The following PACS2 variants were observed in gnomAD, a reference collection of about 807,000 sequenced individuals.
PACS2 encodes the protein PACS1-like protein.
PACS2 carries 36 observed loss-of-function variants against 113.0 expected under a neutral mutation model. The observed-to-expected ratio is 0.32, with a 90% CI of 0.24 to 0.42. The LOEUF is 0.42. Ranked by LOEUF, PACS2 falls within the 10% of genes least tolerant of loss-of-function variation. PACS2 has a pLI of 1.00. For missense variants in PACS2, 1,015 were observed against 1,239.5 expected, an observed-to-expected ratio of 0.82 and a Z score of 2.72; for synonymous variants, 589 against 536.1, an observed-to-expected ratio of 1.10 and a Z score of -1.36.
chr14:105,374,072 T>C (rs2061255901), intron 8 of PACS2, among the ~76,000 whole-genome samples: 1 of 151,622 alleles, frequency 6.6e-6, no homozygotes, highest in South Asian at 2.1e-4. Flanking sequence ...GAAGAAACAC[T>C]TGAACCTGGG....
chr14:105,319,968 A>G (rs138777744), intron 1 of PACS2, among the ~76,000 whole-genome samples: 10 of 152,282 alleles, frequency 6.6e-5, no homozygotes, highest in African/African-American at 2.2e-4. Context: ...AATTACATAA[A>G]TTGATTTTAT....
rs782500261 is a variant in PACS2 at position 105,383,412 on chromosome 14, C to T, written c.1679C>T (p.Ala560Val). The T allele has an allele frequency of 3.1e-6, 5 of 1,608,534 alleles. No homozygotes were observed. The highest frequency in any genetic ancestry group is 1.1e-5 in the South Asian group (1 of 91,044). Residue 560 changes from alanine to valine, a missense_variant, in exon 16 of 25, where the codon GCG becomes GTG. Coordinates refer to ENST00000447393, the MANE Select transcript of PACS2 (RefSeq NM_001100913.3). Reference protein sequence around the residue: ...PTPVKIAVAGAQHYLSAILRL... With the variant: ...PTPVKIAVAGVQHYLSAILRL... ...CCCGTGAAGATCGCCGTGGCGGGAG[C>T]GCAGCATTACCTCAGTGCCATCCTG... is the stretch of plus-strand genomic sequence containing the variant.
intron 24 of PACS2, among the ~76,000 whole-genome samples, chr14:105,393,986 C>A (rs1331566984): frequency 6.9e-6 from 1 of 144,734 alleles, no homozygotes; most frequent in Non-Finnish European, 1.5e-5. Flanking sequence ...TGCAGTGAGC[C>A]GAGATTGCGC....
At chr14:105,392,126 G>A (rs587728500) in intron 22 of PACS2, 2 of 353,818 alleles carry the variant, frequency 5.7e-6, no homozygotes, top group South Asian at 3.8e-5. Context: ...TTCGATAGCT[G>A]TGCTGAGGCC....
intron 13 of PACS2, 79 bp from the exon 14 acceptor site, chr14:105,382,398 C>T: frequency 1.2e-6 from 1 of 866,462 alleles, no homozygotes; most frequent in Non-Finnish European, 2.0e-6. Flanking sequence ...AGCAGGGGCA[C>T]TGCAGGCACC....
At chr14:105,389,816 A>G in intron 19 of PACS2, 145 bp from the exon 20 acceptor site, 2 of 749,178 alleles carry the variant, frequency 2.7e-6, no homozygotes, top group Non-Finnish European at 4.8e-6. Context: ...GGGCCGGGAC[A>G]CACAGGGCAG....
At chr14:105,333,877 G>A (rs1276211108) in intron 1 of PACS2, among the ~76,000 whole-genome samples, 1 of 152,204 alleles carries the variant, frequency 6.6e-6, no homozygotes, top group Admixed American at 6.5e-5. Flanking sequence ...TTCCCAGAGG[G>A]GGTTCTGGGA....
At chr14:105,327,050 G>A (rs755258081) in intron 1 of PACS2, among the ~76,000 whole-genome samples, 82 of 152,322 alleles carry the variant, frequency 5.4e-4, no homozygotes, top group Non-Finnish European at 5.9e-4. Flanking sequence ...AGCTGGAAAC[G>A]GAGCTGAGCG....
chr14:105,315,264 C>G lies in PACS2; in HGVS notation c.119+227C>G, dbSNP rs1480584760. 6.0e-6 allele frequency: 1 copy of G among 165,466 alleles called. No homozygotes were observed. Among genetic ancestry groups the G allele is most frequent in the Non-Finnish European group, 1.3e-5 (1 of 78,496 alleles). The allele number at this position is 165,466 out of a possible 1,614,324, so 10.2% of individuals were successfully genotyped here. On this transcript the variant is annotated intron_variant, in intron 1 of 24. Transcript: ENST00000447393. This position sits in a 1 kb window ranked among gnomAD's most constrained non-coding sequence, Gnocchi z 4.4. ...AGCACCGGGGGCCGCGCTCAGCTTC[C>G]GAGGACCCGGTGCTGCTCAGACCCG... is the stretch of plus-strand genomic sequence containing the variant.
intron 8 of PACS2, among the ~76,000 whole-genome samples, chr14:105,375,502 A>C (rs1555410189): frequency 6.6e-6 from 1 of 151,836 alleles, no homozygotes; most frequent in African/African-American, 2.4e-5. Flanking sequence ...AAAAAAAAAA[A>C]ATAGGGATCT....
At chr14:105,392,926 G>T in intron 23 of PACS2, 81 bp downstream of exon 23, 1 of 1,165,124 alleles carries the variant, frequency 8.6e-7, no homozygotes, top group South Asian at 1.3e-5. Context: ...CAACAGGGAT[G>T]ACAGCCCCCG....
At chr14:105,388,333 C>T (rs2081247934) in intron 19 of PACS2, among the ~76,000 whole-genome samples, 1 of 152,228 alleles carries the variant, frequency 6.6e-6, no homozygotes, top group Non-Finnish European at 1.5e-5. Flanking sequence ...GAGGCTGCCT[C>T]CTGGGAGTGT....
In PACS2 at chr14:105,317,115, T is replaced by C. The variant is rs1362317755; in HGVS notation, c.119+2078T>C. 6.6e-6 allele frequency among the ~76,000 whole-genome samples: 1 copy of C among 152,210 alleles called. No homozygotes were observed. The highest frequency in any genetic ancestry group is 2.4e-5 in the African/African-American group (1 of 41,456). ...TTCCTCCTGAGTTCTTCTGTACTCC[T>C]CACTTTTGCCCAGCCATGAAGCTTC... On this transcript the variant is annotated intron_variant, in intron 1 of 24. Coordinates refer to ENST00000447393, the MANE Select transcript of PACS2 (RefSeq NM_001100913.3). The surrounding 1 kb of genome is among the most constrained non-coding windows in gnomAD (Gnocchi z 4.2).
chr14:105,382,351 T>C (rs892156970), intron 13 of PACS2, 126 bp from the exon 14 acceptor site: 13 of 731,018 alleles, frequency 1.8e-5, no homozygotes, highest in Non-Finnish European at 2.9e-5. Flanking sequence ...GCTGGCCAGC[T>C]CTCTTCCTGC....
upstream of PACS2, among the ~76,000 whole-genome samples, chr14:105,311,771 C>G (rs901369295): frequency 3.9e-5 from 6 of 152,218 alleles, no homozygotes; most frequent in African/African-American, 1.4e-4. Flanking sequence ...TCTTGGCCAT[C>G]CCCCACATGG....
At position 105,397,627 on chromosome 14, in the gene PACS2, C is replaced by T. The variant is rs782534341; in HGVS notation, c.*2955C>T. Reference sequence around the variant, plus strand: ...GGTCCCCTTGGCCACTGTCTCTGGGCATGCAAGCCAGTGTCCTGGTTCAGT... The same window carrying T: ...GGTCCCCTTGGCCACTGTCTCTGGGTATGCAAGCCAGTGTCCTGGTTCAGT... On this transcript the variant is annotated 3_prime_UTR_variant, in exon 25 of 25. Coordinates refer to ENST00000447393, the MANE Select transcript of PACS2 (RefSeq NM_001100913.3). 1 of 152,534 alleles carries T rather than the reference C, an allele frequency of 6.6e-6. No homozygotes were observed. Among genetic ancestry groups the T allele is most frequent in the African/African-American group, 2.4e-5 (1 of 41,466 alleles). The allele number at this position is 152,534 out of a possible 1,614,324, so 9.4% of individuals were successfully genotyped here.
At chr14:105,393,550 A>G in intron 24 of PACS2, 1 of 482,558 alleles carries the variant, frequency 2.1e-6, no homozygotes, top group East Asian at 3.6e-5. Flanking sequence ...TGCTTTTTAA[A>G]AATAATGACT....
intron 1 of PACS2, among the ~76,000 whole-genome samples, chr14:105,303,283 A>C (rs749128522): frequency 1.3e-5 from 2 of 151,790 alleles, no homozygotes; most frequent in African/African-American, 2.4e-5. Context: ...TCGCTCTGTC[A>C]CCCAGGCTGG....
chr14:105,389,012 G>C (rs1329497569), intron 19 of PACS2: 3 of 152,406 alleles, frequency 2.0e-5, no homozygotes, highest in African/African-American at 7.2e-5. Context: ...CCTAGCTGCC[G>C]GCGGGGCCTC....
Sources: gnomAD v4.1 joint callset for allele counts (sites outside exome capture counted in the v4.1 genomes callset) on GRCh38, gnomAD v4.1.1 for gene constraint, Gnocchi (gnomAD v3.1) non-coding constraint, MANE v1.5 for transcripts, NCBI Gene and HGNC (gene_info 2026-07-23, HGNC 2026-07-21) for gene names.